The following TMEM178B variants were observed in gnomAD, a reference collection of about 807,000 sequenced individuals.
TMEM178B encodes the protein transmembrane protein 178B.
Under a neutral mutation model 31.0 loss-of-function variants are expected in TMEM178B, and 5 were observed. The observed-to-expected ratio is 0.16, with a 90% CI of 0.08 to 0.34. The LOEUF (loss-of-function observed/expected upper bound fraction) is 0.34. Among genes scored for constraint, TMEM178B ranks in the 10% least tolerant of loss-of-function variants. The pLI is 1.00. For synonymous variants in TMEM178B, 164 were observed against 164.0 expected (o/e 1.00, Z 0.00); for missense variants, 275 against 400.3 (o/e 0.69, Z 2.67).
chr7:141,353,162 CT>C (rs1365236970), intron 2 of TMEM178B, among the ~76,000 whole-genome samples: 1 of 152,192 alleles, frequency 6.6e-6, no homozygotes, highest in Admixed American at 6.5e-5. Context: ...TGCTGGTCTC[CT>C]CACATCAATC....
chr7:141,404,624 G>A (rs978632804), intron 2 of TMEM178B, among the ~76,000 whole-genome samples: 4 of 152,098 alleles, frequency 2.6e-5, no homozygotes, highest in East Asian at 1.9e-4. Flanking sequence ...GATCCCGGAC[G>A]ACTTATCTCG....
chr7:141,420,947 G>A (rs1012479479), intron 2 of TMEM178B, among the ~76,000 whole-genome samples: 1 of 152,144 alleles, frequency 6.6e-6, no homozygotes, highest in Admixed American at 6.5e-5. Context: ...CAGGTAGCAA[G>A]GAATGTTATT....
At chr7:141,456,231 A>G (rs1801960144) in intron 3 of TMEM178B, among the ~76,000 whole-genome samples, 1 of 152,214 alleles carries the variant, frequency 6.6e-6, no homozygotes, top group South Asian at 2.1e-4. Context: ...TCTTACCCCA[A>G]TATCTAGAGT....
intron 1 of TMEM178B, among the ~76,000 whole-genome samples, chr7:141,165,189 T>TC (rs35083526): frequency 0.74 from 112,532 of 151,872 alleles, 42,369 homozygotes; most frequent in African/African-American, 0.85. Context: ...TATACTAATG[T>TC]CCTTTTTGGC....
intron 1 of TMEM178B, among the ~76,000 whole-genome samples, chr7:141,153,358 T>A (rs1397331078): frequency 6.6e-6 from 1 of 152,240 alleles, no homozygotes; most frequent in Non-Finnish European, 1.5e-5. Context: ...AATTTACTTT[T>A]AAAAATCTCT....
intron 2 of TMEM178B, among the ~76,000 whole-genome samples, chr7:141,423,975 AT>A (rs35143389): frequency 3.2e-3 from 462 of 142,788 alleles, no homozygotes; most frequent in Middle Eastern, 0.011. Flanking sequence ...TGCCCAGCTA[AT>A]TTTTTTTTTT....
At chr7:141,466,841 A>T (rs1269160174) in intron 3 of TMEM178B, among the ~76,000 whole-genome samples, 1 of 152,158 alleles carries the variant, frequency 6.6e-6, no homozygotes, top group Admixed American at 6.6e-5. Context: ...AGCATTACAT[A>T]TCTAATGATA....
At chr7:141,411,920 T>C (rs956802805) in intron 2 of TMEM178B, among the ~76,000 whole-genome samples, 1 of 152,196 alleles carries the variant, frequency 6.6e-6, no homozygotes, top group African/African-American at 2.4e-5. Context: ...CAGGCTTTTG[T>C]TGCAAGGATG....
chr7:141,149,044 G>A (rs531906269), intron 1 of TMEM178B, among the ~76,000 whole-genome samples: 1 of 152,164 alleles, frequency 6.6e-6, no homozygotes, highest in Admixed American at 6.5e-5. Flanking sequence ...AGGCTGTGAG[G>A]ATCATGGCTT....
At chr7:141,140,448 A>G (rs1387043251) in intron 1 of TMEM178B, among the ~76,000 whole-genome samples, 1 of 152,246 alleles carries the variant, frequency 6.6e-6, no homozygotes, top group Non-Finnish European at 1.5e-5. Context: ...AGCAGACAGT[A>G]TAGAGAGTTC....
the TMEM178B span, among the ~76,000 whole-genome samples, chr7:141,491,570 T>G: frequency 2.6e-5 from 4 of 152,232 alleles, no homozygotes; most frequent in Non-Finnish European, 5.9e-5. Flanking sequence ...TTTCAGTGAC[T>G]GATAACATGA....
intron 1 of TMEM178B, among the ~76,000 whole-genome samples, chr7:141,104,393 A>G (rs187304172): frequency 3.9e-4 from 60 of 152,196 alleles, no homozygotes; most frequent in Non-Finnish European, 8.2e-4. Context: ...GTGCAAGAAT[A>G]TATTAGAAGA....
intron 2 of TMEM178B, among the ~76,000 whole-genome samples, chr7:141,345,229 CAAT>C (rs2116518390): frequency 6.6e-6 from 1 of 152,184 alleles, no homozygotes; most frequent in East Asian, 1.9e-4. Flanking sequence ...AATTCATGAT[CAAT>C]AGTACCAAAG....
chr7:141,301,918 A>G (rs540073257), intron 2 of TMEM178B, among the ~76,000 whole-genome samples: 3 of 152,230 alleles, frequency 2.0e-5, no homozygotes, highest in Non-Finnish European at 4.4e-5. Context: ...TGATGACAGC[A>G]TCCATTGTTC....
At chr7:141,168,574 C>A (rs1053612703) in intron 1 of TMEM178B, among the ~76,000 whole-genome samples, 1 of 152,000 alleles carries the variant, frequency 6.6e-6, no homozygotes, top group Admixed American at 6.6e-5. Flanking sequence ...GAGTTTGAGA[C>A]GAGCCTGGCC....
At chr7:141,181,315 A>G (rs1796526656) in intron 1 of TMEM178B, among the ~76,000 whole-genome samples, 1 of 152,256 alleles carries the variant, frequency 6.6e-6, no homozygotes, top group South Asian at 2.1e-4. Context: ...ATGATAAAGT[A>G]CATACAGTGG....
intron 1 of TMEM178B, among the ~76,000 whole-genome samples, chr7:141,210,819 T>A (rs538962173): frequency 6.6e-6 from 1 of 152,238 alleles, no homozygotes; most frequent in South Asian, 2.1e-4. Context: ...GTTGACTGTA[T>A]CAGGACAACT....
intron 2 of TMEM178B, among the ~76,000 whole-genome samples, chr7:141,342,735 G>A (rs1040597724): frequency 1.3e-5 from 2 of 152,046 alleles, no homozygotes; most frequent in African/African-American, 4.8e-5. Context: ...CCTGTTTTTT[G>A]TTCCGTTCGA....
chr7:141,237,401 T>G (rs578150087), intron 2 of TMEM178B, among the ~76,000 whole-genome samples: 214 of 152,350 alleles, frequency 1.4e-3, no homozygotes, highest in African/African-American at 4.9e-3. Flanking sequence ...TAGAGTGTGC[T>G]ATAACCATTA....
Sources: allele counts gnomAD v4.1 joint callset (sites outside exome capture counted in the v4.1 genomes callset), GRCh38; gene constraint gnomAD v4.1.1; transcripts MANE v1.5; gene names NCBI Gene and HGNC (gene_info 2026-07-23, HGNC 2026-07-21).